Variants in SEMA3A observed in about 807,000 individuals in gnomAD.
The protein encoded by SEMA3A is semaphorin 3A.
Under a neutral mutation model 97.9 loss-of-function variants are expected in SEMA3A, and 29 were observed. The observed-to-expected ratio is 0.30, with a 90% confidence interval of 0.22 to 0.40. The LOEUF (loss-of-function observed/expected upper bound fraction) is 0.40, where lower values mean the gene tolerates loss of function less well. SEMA3A is among the 10% of genes least tolerant of loss of function. SEMA3A has a pLI of 1.00. For synonymous variants in SEMA3A, 321 were observed against 323.7 expected (o/e 0.99, Z 0.09); for missense variants, 763 against 951.3 (o/e 0.80, Z 2.60).
chr7:84,310,483 G>A (rs1801286292), intron 2 of SEMA3A, among the ~76,000 whole-genome samples: 1 of 151,924 alleles, frequency 6.6e-6, no homozygotes, highest in Non-Finnish European at 1.5e-5. Flanking sequence ...GTTCTAAAAT[G>A]ATAGTAACAA....
intron 15 of SEMA3A, among the ~76,000 whole-genome samples, chr7:83,963,796 C>T (rs1788572037): frequency 6.6e-6 from 1 of 152,068 alleles, no homozygotes; most frequent in South Asian, 2.1e-4. Context: ...ATTATTTTGC[C>T]TGTGTGTTTA....
rs1329314116 is a variant in SEMA3A at position 84,262,205 on chromosome 7, G to GT, written c.-83+45001dup. 1.3e-4 allele frequency among the ~76,000 whole-genome samples: 20 copies of GT among 151,538 alleles called. No individual in the cohort carries two copies. In the South Asian group the frequency reaches 2.5e-3, roughly 19 times the overall value. On this transcript the variant is annotated intron_variant, in intron 3 of 3. Transcript: ENST00000424555. ...TTTTAGACTTGCCTCTATTTTCAAGGTTTTTTGTTTTTTGTTTTTTGTTTT... is the reference window on the plus strand; with the variant it reads ...TTTTAGACTTGCCTCTATTTTCAAGGTTTTTTTGTTTTTTGTTTTTTGTTTT...
At chr7:84,484,923 T>C (rs1187611438) in intron 1 of SEMA3A, among the ~76,000 whole-genome samples, 2 of 152,178 alleles carry the variant, frequency 1.3e-5, no homozygotes, top group Non-Finnish European at 2.9e-5. Context: ...CTGCACTGCA[T>C]GTGGGCATCT....
At chr7:84,336,870 T>C (rs1382742197) in intron 2 of SEMA3A, among the ~76,000 whole-genome samples, 1 of 152,160 alleles carries the variant, frequency 6.6e-6, no homozygotes, top group Non-Finnish European at 1.5e-5. Flanking sequence ...AATTATGTAC[T>C]ATTTCTCAAT....
At chr7:84,137,172 G>A (rs958054696) in intron 1 of SEMA3A, among the ~76,000 whole-genome samples, 2 of 152,020 alleles carry the variant, frequency 1.3e-5, no homozygotes, top group East Asian at 1.9e-4. Flanking sequence ...AGTCCAAGGC[G>A]GGTGGATCAC....
At chr7:84,399,853 C>T (rs979173497) in intron 1 of SEMA3A, among the ~76,000 whole-genome samples, 2 of 152,170 alleles carry the variant, frequency 1.3e-5, no homozygotes, top group South Asian at 4.1e-4. Flanking sequence ...CACGTACAAG[C>T]TGGTGTAATG....
At chr7:84,405,006 CTAAA>C (rs1804032982) in intron 1 of SEMA3A, among the ~76,000 whole-genome samples, 2 of 152,086 alleles carry the variant, frequency 1.3e-5, no homozygotes, top group Admixed American at 1.3e-4. Context: ...AAATAACCAG[CTAAA>C]AACATAATGA....
chr7:84,156,252 T>C (rs939984034), intron 1 of SEMA3A, among the ~76,000 whole-genome samples: 2 of 152,156 alleles, frequency 1.3e-5, no homozygotes, highest in African/African-American at 4.8e-5. Context: ...GACTAAAGTA[T>C]AGCATTTTTT....
intron 1 of SEMA3A, among the ~76,000 whole-genome samples, chr7:84,380,099 G>A (rs1803219041): frequency 1.3e-5 from 2 of 152,074 alleles, no homozygotes; most frequent in Non-Finnish European, 2.9e-5. Flanking sequence ...TTCAGCATAT[G>A]TTCCCAAATA....
At chr7:84,224,444 TTGTC>T (rs1159019155) in intron 3 of SEMA3A, among the ~76,000 whole-genome samples, 4 of 152,064 alleles carry the variant, frequency 2.6e-5, no homozygotes, top group Non-Finnish European at 5.9e-5. Flanking sequence ...TTATAAGAAA[TTGTC>T]TGGTAAACAC....
chr7:84,103,990 GA>G (rs1396401248), intron 4 of SEMA3A, among the ~76,000 whole-genome samples: 7 of 152,086 alleles, frequency 4.6e-5, no homozygotes, highest in African/African-American at 1.4e-4. Flanking sequence ...CCATATATGA[GA>G]AAGAGTAAGT....
intron 1 of SEMA3A, among the ~76,000 whole-genome samples, chr7:84,140,662 A>T (rs1796269012): frequency 1.3e-5 from 2 of 152,164 alleles, no homozygotes; most frequent in Non-Finnish European, 2.9e-5. Context: ...TGATGACCAC[A>T]TCTAGATATT....
chr7:84,194,344 T>C (rs1227132880), intron 1 of SEMA3A, 131 bp downstream of exon 1: 4 of 638,218 alleles, frequency 6.3e-6, no homozygotes, highest in African/African-American at 5.5e-5. Flanking sequence ...CTCAGAAAGA[T>C]ACACATAATC....
intron 5 of SEMA3A, among the ~76,000 whole-genome samples, chr7:84,057,388 C>G (rs1416784727): frequency 1.3e-5 from 2 of 152,048 alleles, no homozygotes; most frequent in Non-Finnish European, 2.9e-5. Context: ...TTATTATTAG[C>G]AGGTGAGTAA....
intron 3 of SEMA3A, among the ~76,000 whole-genome samples, chr7:84,250,809 A>G (rs1799589115): frequency 6.6e-6 from 1 of 152,216 alleles, no homozygotes; most frequent in African/African-American, 2.4e-5. Flanking sequence ...GTTATTTTTA[A>G]AATACAGTTA....
At chr7:84,468,953 G>A (rs1246254785) in intron 1 of SEMA3A, among the ~76,000 whole-genome samples, 2 of 134,680 alleles carry the variant, frequency 1.5e-5, no homozygotes, top group Non-Finnish European at 3.0e-5. Flanking sequence ...AAAAGCATAG[G>A]TGATTTTCTT....
rs970435457 is a variant in SEMA3A, at chr7:84,328,580, T to G, written c.-168-21288A>C. Among the ~76,000 whole-genome samples the G allele has an allele frequency of 3.9e-5, 6 of 152,188 alleles. No individual in the cohort carries two copies. The South Asian group carries it at 1.2e-3, about 32-fold the overall frequency. ...TCTCTTTTGATGAGATAGACTCTTATGTACATTGAATCAGTCGATTATAAC... is the reference window on the plus strand; with the variant it reads ...TCTCTTTTGATGAGATAGACTCTTAGGTACATTGAATCAGTCGATTATAAC... On this transcript the variant is annotated intron_variant, in intron 2 of 3. Transcript: ENST00000424555.
At chr7:84,299,328 A>C in intron 3 of SEMA3A, among the ~76,000 whole-genome samples, 2 of 116,616 alleles carry the variant, frequency 1.7e-5, no homozygotes, top group Non-Finnish European at 1.9e-5. Context: ...ATATATCTCC[A>C]TATATATGTA....
At chr7:84,416,112 GC>G (rs1320912032) in intron 1 of SEMA3A, among the ~76,000 whole-genome samples, 3 of 152,006 alleles carry the variant, frequency 2.0e-5, no homozygotes, top group Non-Finnish European at 4.4e-5. Flanking sequence ...ATATGGTTTG[GC>G]TATGTCCCCA....
Sources: allele counts gnomAD v4.1 joint callset (sites outside exome capture counted in the v4.1 genomes callset), GRCh38; gene constraint gnomAD v4.1.1; transcripts MANE v1.5; gene names NCBI Gene and HGNC (gene_info 2026-07-23, HGNC 2026-07-21).